The following ABCB9 variants were observed in gnomAD, a reference collection of about 807,000 sequenced individuals.
ABCB9 encodes the protein ABC-type oligopeptide transporter ABCB9.
A neutral mutation model predicts 62.0 loss-of-function variants in ABCB9; 36 were observed. That is an observed-to-expected ratio of 0.58 (90% CI 0.45 to 0.77). The LOEUF is 0.77. Ranked by LOEUF, ABCB9 falls within the 30% of genes least tolerant of loss-of-function variation. The pLI is 0.00. For missense variants in ABCB9, 943 were observed against 1,054.7 expected (o/e 0.89, Z 1.47); for synonymous variants, 435 against 461.4 (o/e 0.94, Z 0.73).
intron 2 of ABCB9, chr12:122,950,903 G>A: frequency 4.3e-6 from 1 of 230,832 alleles, no homozygotes; most frequent in South Asian, 8.0e-5. Flanking sequence ...GGAGTGCAGT[G>A]GTGTAATCAT....
downstream of ABCB9, among the ~76,000 whole-genome samples, chr12:122,926,209 TAA>T (rs900308838): frequency 3.9e-5 from 6 of 152,190 alleles, no homozygotes; most frequent in East Asian, 1.9e-4. Context: ...TCACTAATGA[TAA>T]GTTTTATATT....
intron 3 of ABCB9, 107 bp downstream of exon 3, chr12:122,950,344 T>C (rs757005031): frequency 5.5e-5 from 62 of 1,131,030 alleles, no homozygotes; most frequent in Non-Finnish European, 7.6e-5. Flanking sequence ...ACCAGGGGCA[T>C]TTCCAGGGCC....
intron 11 of ABCB9, among the ~76,000 whole-genome samples, chr12:122,922,656 G>C: frequency 6.6e-6 from 1 of 152,234 alleles, no homozygotes; most frequent in East Asian, 1.9e-4. Context: ...TGGGATTACA[G>C]GTGTGAGCCA....
At chr12:122,938,199 T>C (rs548278373) in intron 9 of ABCB9, among the ~76,000 whole-genome samples, 2 of 152,250 alleles carry the variant, frequency 1.3e-5, no homozygotes, top group Non-Finnish European at 2.9e-5. Flanking sequence ...CATCCCACAC[T>C]GGTATTTTTG....
At chr12:122,945,045 C>T (rs1414428809) in intron 6 of ABCB9, among the ~76,000 whole-genome samples, 2 of 152,220 alleles carry the variant, frequency 1.3e-5, no homozygotes, top group African/African-American at 4.8e-5. Flanking sequence ...CTCCATCTGT[C>T]CTCCTCATGC....
At position 122,932,200 on chromosome 12, in the gene ABCB9, C is replaced by G. The variant is rs1226672816; in HGVS notation, c.2032G>C (p.Glu678Gln). ...EATSALDAES[E>Q]YLIQQAIHGN... ...ACCACCCTGTGACTCACCAGATACT[C>G]GCTCTCGGCATCCAAAGCGCTGGTG... is the stretch of plus-strand genomic sequence containing the variant. The change falls in exon 11 of 12, where the codon GAG (glutamate) becomes CAG (glutamine). Residue 678 changes from glutamate to glutamine, a missense_variant. Physicochemically the swap from Glu to Gln is conservative, Grantham distance 29. Transcript: ENST00000280560. The surrounding 1 kb of genome is among the most constrained non-coding windows in gnomAD (Gnocchi z 4.7). The G allele has an allele frequency of 4.5e-6, 7 of 1,552,724 alleles. No homozygotes were observed. The highest frequency in any genetic ancestry group is 6.1e-6 in the Non-Finnish European group (7 of 1,147,886).
downstream of ABCB9, among the ~76,000 whole-genome samples, chr12:122,925,372 G>A (rs763180087): frequency 6.6e-6 from 1 of 152,096 alleles, no homozygotes. Flanking sequence ...TCAAAACGTT[G>A]AGCACAGAGT....
At chr12:122,933,477 C>G (rs1156352438) in intron 10 of ABCB9, among the ~76,000 whole-genome samples, 1 of 151,966 alleles carries the variant, frequency 6.6e-6, no homozygotes, top group Non-Finnish European at 1.5e-5. Context: ...TCACTTGAAC[C>G]CGGGAGGAAG....
At chr12:122,957,052 T>C (rs571537880) in intron 2 of ABCB9, among the ~76,000 whole-genome samples, 9 of 151,336 alleles carry the variant, frequency 5.9e-5, no homozygotes, top group South Asian at 2.1e-4. Context: ...TTTTTTTTTT[T>C]CTTTGGTAGA....
At chr12:122,952,377 G>T (rs887913218) in intron 2 of ABCB9, 1 of 152,306 alleles carries the variant, frequency 6.6e-6, no homozygotes, top group Non-Finnish European at 1.5e-5. Context: ...TTGGGGCTGG[G>T]CATACAGTAG....
Position 122,942,038 on chromosome 12 carries a change from C to T in ABCB9, c.1381-1043G>A, listed in dbSNP as rs545311779. ...GCCACTGCGTCCGGCCAAGCATGCT[C>T]TGTATGTTAGGAGGTAGGTTCTAAC... is the stretch of plus-strand genomic sequence containing the variant. On this transcript the variant is annotated intron_variant, in intron 7 of 11. Coordinates refer to ENST00000280560, the MANE Select transcript of ABCB9 (RefSeq NM_019625.4). 1.4e-4 allele frequency among the ~76,000 whole-genome samples: 21 copies of T among 152,166 alleles called. 1 individual carries two copies. The East Asian group carries it at 4.1e-3, about 30-fold the overall frequency.
In ABCB9 at chr12:122,948,897, A is replaced by G. The variant is rs1345742724; in HGVS notation, c.848-68T>C. The G allele has an allele frequency of 4.4e-6, 6 of 1,371,266 alleles. No homozygotes were observed. The East Asian group carries it at 1.4e-4, about 32-fold the overall frequency. The allele number at this position is 1,371,266 out of a possible 1,614,324, so 84.9% of individuals were successfully genotyped here. A position where few individuals can be genotyped will look rare whatever the true frequency, so the allele number is the denominator to read the frequency against. On this transcript the variant is annotated intron_variant, in intron 4 of 11. Coordinates refer to ENST00000280560, the MANE Select transcript of ABCB9 (RefSeq NM_019625.4). The stretch of plus-strand genomic sequence containing the variant: ...CTTGGGGGTGGCGGTGGGGGATGCT[A>G]AGGGGCCTCTGAGACAGACACTGGG...
intron 9 of ABCB9, among the ~76,000 whole-genome samples, chr12:122,938,474 G>C (rs1307873873): frequency 6.6e-6 from 1 of 152,172 alleles, no homozygotes; most frequent in Non-Finnish European, 1.5e-5. Context: ...TGAGGCTGCA[G>C]TAAGTTGTGA....
At chr12:122,921,320 C>G (rs1248444395) in intron 11 of ABCB9, among the ~76,000 whole-genome samples, 1 of 152,002 alleles carries the variant, frequency 6.6e-6, no homozygotes, top group Non-Finnish European at 1.5e-5. Context: ...GAGCCTGAGG[C>G]AGAAGGATCA....
intron 2 of ABCB9, among the ~76,000 whole-genome samples, chr12:122,958,730 T>A (rs2036740812): frequency 6.6e-6 from 1 of 151,930 alleles, no homozygotes; most frequent in Non-Finnish European, 1.5e-5. Flanking sequence ...TAGTCCCAGC[T>A]ATTTGGAAGA....
downstream of ABCB9, among the ~76,000 whole-genome samples, chr12:122,926,881 T>C (rs1428315000): frequency 2.6e-5 from 4 of 152,120 alleles, no homozygotes; most frequent in Admixed American, 2.0e-4. Flanking sequence ...GTCTGGGCAA[T>C]AGAGCAAGAA....
At position 122,949,995 on chromosome 12, in the gene ABCB9, C is replaced by T. The variant is rs555132423; in HGVS notation, c.717-77G>A. 126 of 1,590,154 alleles carry T rather than the reference C, an allele frequency of 7.9e-5. No individual in the cohort carries two copies. The Middle Eastern group carries it at 2.0e-3, about 26-fold the overall frequency. ...CACACCCGGCTGCCCCCTCCCGCTG[C>T]CGGCAGGCCTGGGAGCCCCACCGCA... On this transcript the variant is annotated intron_variant, in intron 3 of 11. Coordinates refer to ENST00000280560, the MANE Select transcript of ABCB9 (RefSeq NM_019625.4).
At chr12:122,957,798 T>G (rs2036680222) in intron 2 of ABCB9, among the ~76,000 whole-genome samples, 1 of 150,504 alleles carries the variant, frequency 6.6e-6, no homozygotes, top group Non-Finnish European at 1.5e-5. Context: ...TTTTCTAGTC[T>G]ATTCTCTGAT....
At chr12:122,931,098 C>G (rs1313571419) in intron 11 of ABCB9, among the ~76,000 whole-genome samples, 1 of 152,018 alleles carries the variant, frequency 6.6e-6, no homozygotes, top group Non-Finnish European at 1.5e-5. Flanking sequence ...AATCTCGGCT[C>G]ATTGCAACCT....
Sources: gnomAD v4.1 joint callset for allele counts (sites outside exome capture counted in the v4.1 genomes callset) on GRCh38, gnomAD v4.1.1 for gene constraint, Gnocchi (gnomAD v3.1) non-coding constraint, MANE v1.5 for transcripts, NCBI Gene and HGNC (gene_info 2026-07-23, HGNC 2026-07-21) for gene names.